ADGRB3: variants seen among roughly 807,000 people sequenced by gnomAD.
ADGRB3 encodes brain-specific angiogenesis inhibitor 3.
In ADGRB3, 37 loss-of-function variants were observed where a neutral mutation model predicts 193.4. The ratio of observed to expected loss-of-function variants is 0.19; its 90% confidence interval spans 0.15 to 0.25. The LOEUF is 0.25. Ranked by LOEUF, ADGRB3 falls within the 10% of genes least tolerant of loss-of-function variation. The probability of loss-of-function intolerance (pLI) is 1.00; values close to 1 mark genes in which losing one functional copy is unlikely to be tolerated. For synonymous variants in ADGRB3, 690 were observed against 644.2 expected (o/e 1.07, Z -1.08); for missense variants, 1,637 against 1,852.9 (o/e 0.88, Z 2.14).
At chr6:68,841,470 C>T (rs1216385874) in intron 3 of ADGRB3, among the ~76,000 whole-genome samples, 1 of 152,064 alleles carries the variant, frequency 6.6e-6, no homozygotes, top group Non-Finnish European at 1.5e-5. Context: ...TCAAACTATA[C>T]AAGCTCATGG....
At chr6:69,300,684 A>G (rs1268566191) in intron 20 of ADGRB3, among the ~76,000 whole-genome samples, 1 of 151,836 alleles carries the variant, frequency 6.6e-6, no homozygotes, top group Admixed American at 6.6e-5. Context: ...AAACAATCTG[A>G]AAAAGAAGCT....
At chr6:69,331,823 A>T in intron 23 of ADGRB3, 1 of 985,192 alleles carries the variant, frequency 1.0e-6, no homozygotes, top group Non-Finnish European at 1.2e-6. Context: ...GTTGTAGATT[A>T]CTAGAATCCA....
intron 3 of ADGRB3, among the ~76,000 whole-genome samples, chr6:68,809,409 C>T (rs1306209917): frequency 6.6e-6 from 1 of 152,108 alleles, no homozygotes; most frequent in African/African-American, 2.4e-5. Context: ...ATAAATCTAT[C>T]GATGTTGGAA....
intron 20 of ADGRB3, among the ~76,000 whole-genome samples, chr6:69,243,648 T>C (rs1326085761): frequency 1.3e-5 from 2 of 151,998 alleles, no homozygotes; most frequent in Non-Finnish European, 2.9e-5. Context: ...TTCATTATAG[T>C]GATTAACCAG....
At chr6:69,117,630 G>T (rs1773571916) in intron 17 of ADGRB3, among the ~76,000 whole-genome samples, 1 of 152,108 alleles carries the variant, frequency 6.6e-6, no homozygotes, top group African/African-American at 2.4e-5. Flanking sequence ...AAATATGAGG[G>T]ATTAATCAAG....
intron 17 of ADGRB3, among the ~76,000 whole-genome samples, chr6:69,152,412 G>A (rs1774705102): frequency 6.6e-6 from 1 of 152,132 alleles, no homozygotes; most frequent in Admixed American, 6.5e-5. Flanking sequence ...TGGGATAAAT[G>A]TTCTCCTATT....
intron 17 of ADGRB3, among the ~76,000 whole-genome samples, chr6:69,224,634 A>G (rs1056389653): frequency 4.6e-5 from 7 of 152,204 alleles, no homozygotes; most frequent in Non-Finnish European, 7.4e-5. Context: ...CTAGTTACAT[A>G]CAGAACTAAA....
intron 3 of ADGRB3, among the ~76,000 whole-genome samples, chr6:68,839,143 C>T (rs531976144): frequency 1.3e-5 from 2 of 151,366 alleles, no homozygotes. Flanking sequence ...CTTCCTATAA[C>T]AAGTCATTAA....
chr6:68,695,754 T>C (rs192962267), intron 3 of ADGRB3, among the ~76,000 whole-genome samples: 50 of 152,128 alleles, frequency 3.3e-4, no homozygotes, highest in African/African-American at 1.0e-3. Flanking sequence ...ATCTGACTGC[T>C]ACCTTGATGG....
chr6:68,829,386 G>A (rs986288212), intron 3 of ADGRB3, among the ~76,000 whole-genome samples: 4 of 152,012 alleles, frequency 2.6e-5, no homozygotes, highest in African/African-American at 9.7e-5. Flanking sequence ...ACAAGCATGA[G>A]CCACCGCACC....
At chr6:69,065,586 A>G (rs1382290628) in intron 16 of ADGRB3, among the ~76,000 whole-genome samples, 1 of 152,138 alleles carries the variant, frequency 6.6e-6, no homozygotes, top group African/African-American at 2.4e-5. Flanking sequence ...ATATCATAAT[A>G]TTATTACCAG....
intron 3 of ADGRB3, among the ~76,000 whole-genome samples, chr6:68,740,790 A>G (rs542479761): frequency 1.4e-4 from 22 of 152,298 alleles, no homozygotes; most frequent in African/African-American, 4.6e-4. Context: ...GATGTCAGAA[A>G]TACTTTATAG....
At chr6:69,104,889 T>A (rs2150323178) in intron 17 of ADGRB3, among the ~76,000 whole-genome samples, 1 of 152,314 alleles carries the variant, frequency 6.6e-6, no homozygotes, top group African/African-American at 2.4e-5. Context: ...TCTGTTCATT[T>A]TCATCCAAAA....
chr6:68,932,211 G>A (rs61516669), intron 4 of ADGRB3, among the ~76,000 whole-genome samples: 19,673 of 152,076 alleles, frequency 0.13, 1,326 homozygotes, highest in African/African-American at 0.14. Flanking sequence ...GGCAGGCATT[G>A]GTTTACTGAA....
At chr6:68,659,071 ACT>A (rs984269974) in intron 3 of ADGRB3, among the ~76,000 whole-genome samples, 2 of 150,940 alleles carry the variant, frequency 1.3e-5, no homozygotes, top group African/African-American at 4.8e-5. Flanking sequence ...TTCTTTTGTA[ACT>A]CTCAACTTTT....
chr6:69,286,355 C>T (rs1767551334), intron 20 of ADGRB3, among the ~76,000 whole-genome samples: 1 of 152,120 alleles, frequency 6.6e-6, no homozygotes, highest in African/African-American at 2.4e-5. Flanking sequence ...CTTTTCCATC[C>T]TACTTTCTCC....
intron 3 of ADGRB3, among the ~76,000 whole-genome samples, chr6:68,894,479 C>A (rs955793809): frequency 3.3e-5 from 5 of 151,868 alleles, no homozygotes; most frequent in Admixed American, 3.3e-4. Context: ...GTGAGAAAAT[C>A]AAAAACAGAT....
At chr6:69,057,508 G>GA (rs1771578141) in intron 15 of ADGRB3, among the ~76,000 whole-genome samples, 2 of 111,530 alleles carry the variant, frequency 1.8e-5, no homozygotes, top group East Asian at 1.4e-3. Context: ...AACTTTCAGG[G>GA]TTTTTTTGTT....
chr6:69,339,296 G>A, intron 25 of ADGRB3, 37 bp from the exon 26 acceptor site: 1 of 1,604,278 alleles, frequency 6.2e-7, no homozygotes, highest in Non-Finnish European at 8.5e-7. Context: ...GGGGTGTGAT[G>A]TATAGCTACG....
Sources: gnomAD v4.1 joint callset for allele counts (sites outside exome capture counted in the v4.1 genomes callset) on GRCh38, gnomAD v4.1.1 for gene constraint, MANE v1.5 for transcripts, NCBI Gene and HGNC (gene_info 2026-07-23, HGNC 2026-07-21) for gene names.